D2HGDH: variants seen among roughly 807,000 people sequenced by gnomAD.
The protein encoded by D2HGDH is D-2-hydroxyglutarate dehydrogenase.
In D2HGDH, 31 loss-of-function variants were observed where a neutral mutation model predicts 46.9. That is an observed-to-expected ratio of 0.66 (90% CI 0.50 to 0.89). D2HGDH has a LOEUF of 0.89. D2HGDH is among the 40% of genes least tolerant of loss of function. D2HGDH has a pLI of 0.00. For missense variants in D2HGDH, 698 were observed against 720.8 expected, an observed-to-expected ratio of 0.97 and a Z score of 0.36; for synonymous variants, 364 against 332.6, an observed-to-expected ratio of 1.09 and a Z score of -1.03.
chr2:241,753,861 G>T (rs1398212844), intron 8 of D2HGDH, among the ~76,000 whole-genome samples: 1 of 152,226 alleles, frequency 6.6e-6, no homozygotes, highest in African/African-American at 2.4e-5. Context: ...ATAAACTCAC[G>T]CAGCAGAAGG....
chr2:241,751,138 C>T (rs1697119192), intron 7 of D2HGDH, 108 bp from the exon 8 acceptor site: 2 of 1,495,856 alleles, frequency 1.3e-6, no homozygotes, highest in Non-Finnish European at 1.8e-6. Context: ...TCCTTCTTGG[C>T]CACGAAAGAT....
At chr2:241,763,015 A>G (rs1698965863) in intron 9 of D2HGDH, among the ~76,000 whole-genome samples, 1 of 151,674 alleles carries the variant, frequency 6.6e-6, no homozygotes, top group Non-Finnish European at 1.5e-5. Flanking sequence ...CCTGCAGGGG[A>G]GGTGGTTTGC....
intron 2 of D2HGDH, among the ~76,000 whole-genome samples, chr2:241,737,766 T>G (rs543794465): frequency 2.0e-5 from 3 of 152,218 alleles, no homozygotes; most frequent in Non-Finnish European, 2.9e-5. Flanking sequence ...GGCATGTGTC[T>G]GTGTGCTAAA....
chr2:241,735,728 T>G (rs1692599197), intron 2 of D2HGDH, among the ~76,000 whole-genome samples: 1 of 152,208 alleles, frequency 6.6e-6, no homozygotes, highest in African/African-American at 2.4e-5. Flanking sequence ...GTTGTTGTTT[T>G]GTTTTTTCTT....
intron 6 of D2HGDH, among the ~76,000 whole-genome samples, chr2:241,747,549 T>TTG (rs1553606605): frequency 1.3e-5 from 2 of 151,084 alleles, no homozygotes; most frequent in African/African-American, 4.9e-5. Context: ...GGAGAGTGTT[T>TTG]TTTTTTTTTT....
intron 7 of D2HGDH, 112 bp downstream of exon 7, chr2:241,750,406 T>TGG: frequency 5.7e-6 from 1 of 175,274 alleles, no homozygotes; most frequent in Non-Finnish European, 1.1e-5. Flanking sequence ...GGCGGGCGGG[T>TGG]GGGGGGTCCC....
At position 241,743,935 on chromosome 2, in the gene D2HGDH, G is replaced by A; in HGVS notation, c.684+120G>A. 1.8e-6 allele frequency: 2 copies of A among 1,132,406 alleles called. No individual in the cohort carries two copies. Among genetic ancestry groups the A allele is most frequent in the Non-Finnish European group, 1.3e-6 (1 of 791,748 alleles). The allele number at this position is 1,132,406 out of a possible 1,614,324, so 70.1% of individuals were successfully genotyped here. ...CTCGGGGTGGGAGGTCTTGGTTCCTGGCCCTGGGCCCCTCAAGGATGTGTG... is the reference window on the plus strand; with the variant it reads ...CTCGGGGTGGGAGGTCTTGGTTCCTAGCCCTGGGCCCCTCAAGGATGTGTG... On this transcript the variant is annotated intron_variant, in intron 5 of 9. Coordinates refer to ENST00000321264, the MANE Select transcript of D2HGDH (RefSeq NM_152783.5). The surrounding 1 kb of genome is among the most constrained non-coding windows in gnomAD (Gnocchi z 4.8).
Position 241,744,972 on chromosome 2 carries a change from A to ACCCCCC in D2HGDH, c.853+96_853+101dup, listed in dbSNP as rs368566208. On this transcript the variant is annotated intron_variant, in intron 6 of 9. Transcript: ENST00000321264. ...TTGGTGTGAGGAAGGGGATGGAGGG[A>ACCCCCC]CCCCCCGCCAAGGACAGTCGGTTCC... 3.2e-5 allele frequency: 43 copies of ACCCCCC among 1,344,038 alleles called. No homozygotes were observed. The African/African-American group carries it at 6.1e-4, about 19-fold the overall frequency. 83.3% of individuals were successfully genotyped at this position (1,344,038 alleles called of 1,614,324 possible).
intron 8 of D2HGDH, among the ~76,000 whole-genome samples, chr2:241,753,248 T>C (rs1697586076): frequency 6.6e-6 from 1 of 152,176 alleles, no homozygotes; most frequent in African/African-American, 2.4e-5. Context: ...GCTCGATGAG[T>C]TGACCCGGAT....
rs1458711471 is a variant in D2HGDH at position 241,750,379 on chromosome 2, T to TGGGCGGGGGGTGCCC, written c.997+93_997+107dup. The TGGGCGGGGGGTGCCC allele has an allele frequency of 8.4e-3, 2,547 of 301,992 alleles. 75 individuals carry two copies. In the African/African-American group the frequency reaches 0.13, roughly 16 times the overall value. 18.7% of individuals were successfully genotyped at this position (301,992 alleles called of 1,614,324 possible). A position where few individuals can be genotyped will look rare whatever the true frequency, so the allele number is the denominator to read the frequency against. On this transcript the variant is annotated intron_variant, in intron 7 of 9. Transcript: ENST00000321264. ...CATGGGACGGCTCAGAGACCCCGGG[T>TGGGCGGGGGGTGCCC]GGGCGGGGGGTGCCCGGGCGGGCGG...
At chr2:241,745,434 C>T (rs1695610583) in intron 6 of D2HGDH, among the ~76,000 whole-genome samples, 1 of 152,218 alleles carries the variant, frequency 6.6e-6, no homozygotes, top group Non-Finnish European at 1.5e-5. Context: ...CCAGCATTTC[C>T]TCCTCAGGAG....
At chr2:241,746,235 T>C (rs1054273317) in intron 6 of D2HGDH, among the ~76,000 whole-genome samples, 1 of 152,178 alleles carries the variant, frequency 6.6e-6, no homozygotes, top group African/African-American at 2.4e-5. Flanking sequence ...CATCATCGTG[T>C]CTCTCTGTGC....
Position 241,735,458 on chromosome 2 carries a change from C to G in D2HGDH, c.234C>G (p.Val78=), listed in dbSNP as rs1479128678. The G allele has an allele frequency of 1.9e-6, 3 of 1,609,652 alleles. No individual in the cohort carries two copies. The South Asian group carries it at 3.3e-5, about 18-fold the overall frequency. The change falls in exon 2 of 10, where the codon GTC becomes GTG. Residue 78 remains valine, a synonymous_variant. Coordinates refer to ENST00000321264, the MANE Select transcript of D2HGDH (RefSeq NM_152783.5). ...AAFERIVPGG[V]VTDPEALQAP... Reference sequence around the variant, plus strand: ...TTGAGCGCATCGTGCCCGGCGGGGTCGTCACGGACCCGGAAGCGCTGCAGG... The same window carrying G: ...TTGAGCGCATCGTGCCCGGCGGGGTGGTCACGGACCCGGAAGCGCTGCAGG...
chr2:241,760,113 C>A (rs555777649), intron 9 of D2HGDH, among the ~76,000 whole-genome samples: 1 of 130,258 alleles, frequency 7.7e-6, no homozygotes, highest in Non-Finnish European at 1.6e-5. Context: ...CCCAATCAGT[C>A]GAAGGACTTC....
rs1697169002 is a variant in D2HGDH, at chr2:241,751,366, C to T, written c.1118C>T (p.Ala373Val). The change falls in exon 8 of 10, where the codon GCC (alanine) becomes GTC (valine). Residue 373 changes from alanine (A) to valine (V), a missense_variant. Physicochemically the swap from Ala to Val is moderately conservative, Grantham distance 64. Transcript: ENST00000321264. ...GGCCTGGTGACCGATGGGACCATGG[C>T]CACCGACCAGAGGAAAGTCAAGGTG... ...GSGLVTDGTMATDQRKVKMLW... is the reference protein window; with the variant it reads ...GSGLVTDGTMVTDQRKVKMLW... The T allele has an allele frequency of 6.2e-7, 1 of 1,613,444 alleles. No individual in the cohort carries two copies. Among genetic ancestry groups the T allele is most frequent in the Non-Finnish European group, 8.5e-7 (1 of 1,180,038 alleles).
Position 241,748,836 on chromosome 2 carries a change from G to A in D2HGDH, c.854-1315G>A, listed in dbSNP as rs902786508. The A allele has an allele frequency of 2.0e-5, 25 of 1,246,866 alleles. No homozygotes were observed. The Admixed American group carries it at 7.0e-4, about 35-fold the overall frequency. The allele number at this position is 1,246,866 out of a possible 1,614,324, so 77.2% of individuals were successfully genotyped here. ...GTTCCTCTTCATCCAGGTTTTCTGTGTTCTGCTCTGATCCCACTCCAACTG... is the reference window on the plus strand; with the variant it reads ...GTTCCTCTTCATCCAGGTTTTCTGTATTCTGCTCTGATCCCACTCCAACTG... On this transcript the variant is annotated intron_variant, in intron 6 of 9. Coordinates refer to ENST00000321264, the MANE Select transcript of D2HGDH (RefSeq NM_152783.5).
chr2:241,744,813 G>A lies in D2HGDH; in HGVS notation c.789G>A (p.Gly263=). Residue 263 remains glycine, a synonymous_variant, in exon 6 of 10, where the codon GGG becomes GGA. Coordinates refer to ENST00000321264, the MANE Select transcript of D2HGDH (RefSeq NM_152783.5). ...QLFIGSEGTL[G]IITTVSILCP... is the part of the protein sequence containing the mutation. ...TCATCGGGTCGGAGGGCACTTTGGG[G>A]ATCATCACCACGGTGTCCATCTTGT... 6.2e-7 allele frequency: 1 copy of A among 1,614,088 alleles called. No homozygotes were observed. The highest frequency in any genetic ancestry group is 8.5e-7 in the Non-Finnish European group (1 of 1,180,008).
At position 241,768,119 on chromosome 2, in the gene D2HGDH, C is replaced by G; in HGVS notation, c.*150C>G. The G allele has an allele frequency of 8.3e-7, 1 of 1,202,810 alleles. No individual in the cohort carries two copies. Among genetic ancestry groups the G allele is most frequent in the South Asian group, 1.6e-5 (1 of 62,746 alleles). The allele number at this position is 1,202,810 out of a possible 1,614,324, so 74.5% of individuals were successfully genotyped here. ...CTGGGAGCCCGCACTGGGGAACTGCCGGACGCAGGCCCTCGGGCAGGAGCA... is the reference window on the plus strand; with the variant it reads ...CTGGGAGCCCGCACTGGGGAACTGCGGGACGCAGGCCCTCGGGCAGGAGCA... On this transcript the variant is annotated 3_prime_UTR_variant, in exon 10 of 10. Coordinates refer to ENST00000321264, the MANE Select transcript of D2HGDH (RefSeq NM_152783.5).
rs1368195415 is a variant in D2HGDH at position 241,768,709 on chromosome 2, TCTGCTCGTCAG to T, written c.*745_*755del. ...GACAAGGGCCACTGCAGAGTGTGTT[TCTGCTCGTCAG>T]CTGCCCTGGGCAGCGGATGGGCTGG... On this transcript the variant is annotated 3_prime_UTR_variant, in exon 10 of 10. Coordinates refer to ENST00000321264, the MANE Select transcript of D2HGDH (RefSeq NM_152783.5). 6.6e-6 allele frequency: 1 copy of T among 152,270 alleles called. No individual in the cohort carries two copies. Among genetic ancestry groups the T allele is most frequent in the Non-Finnish European group, 1.5e-5 (1 of 68,090 alleles). 9.4% of individuals were successfully genotyped at this position (152,270 alleles called of 1,614,324 possible). A position where few individuals can be genotyped will look rare whatever the true frequency, so the allele number is the denominator to read the frequency against.
Sources: allele counts gnomAD v4.1 joint callset (sites outside exome capture counted in the v4.1 genomes callset), GRCh38; gene constraint gnomAD v4.1.1; non-coding constraint Gnocchi (gnomAD v3.1); transcripts MANE v1.5; gene names NCBI Gene and HGNC (gene_info 2026-07-23, HGNC 2026-07-21).